The following BMP8B variants were observed in gnomAD, a reference collection of about 807,000 sequenced individuals.
The protein encoded by BMP8B is bone morphogenetic protein 8 (osteogenic protein 2).
Under a neutral mutation model 30.3 loss-of-function variants are expected in BMP8B, and 17 were observed. The ratio of observed to expected loss-of-function variants is 0.56; its 90% CI spans 0.38 to 0.84. The LOEUF is 0.84. Among genes scored for constraint, BMP8B ranks in the 40% least tolerant of loss-of-function variants. BMP8B has a pLI of 0.00. For synonymous variants in BMP8B, 131 were observed against 214.7 expected, an observed-to-expected ratio of 0.61 and a Z score of 3.41; for missense variants, 253 against 494.6, an observed-to-expected ratio of 0.51 and a Z score of 4.63.
At chr1:39,783,958 C>T (rs923225734) in intron 1 of BMP8B, among the ~76,000 whole-genome samples, 3 of 152,200 alleles carry the variant, frequency 2.0e-5, no homozygotes, top group Non-Finnish European at 4.4e-5. Context: ...TTACATCACA[C>T]GTTCCCATTC....
chr1:39,780,900 C>A (rs1194122649), intron 1 of BMP8B, among the ~76,000 whole-genome samples: 1 of 152,134 alleles, frequency 6.6e-6, no homozygotes, highest in Admixed American at 6.5e-5. Flanking sequence ...CATCTCCAGC[C>A]GGGAGCCATG....
intron 1 of BMP8B, among the ~76,000 whole-genome samples, chr1:39,778,105 G>A (rs1013073612): frequency 6.6e-5 from 10 of 152,208 alleles, no homozygotes; most frequent in Non-Finnish European, 1.3e-4. Context: ...CCTGTGTTTC[G>A]GGGCCCCAGA....
intron 1 of BMP8B, among the ~76,000 whole-genome samples, chr1:39,777,055 G>T (rs1370470608): frequency 6.6e-6 from 1 of 152,192 alleles, no homozygotes; most frequent in African/African-American, 2.4e-5. Context: ...AAAAGATTAA[G>T]ATCAGACATG....
Position 39,771,188 on chromosome 1 carries a change from G to A in BMP8B, c.673+3120C>T, listed in dbSNP as rs922338899. The A allele has an allele frequency of 4.3e-5, 67 of 1,543,328 alleles. No homozygotes were observed. In the Admixed American group the frequency reaches 5.8e-4, roughly 13 times the overall value. Reference sequence around the variant, plus strand: ...GCAGCGGGCGCAGCCCTGGGACAGCGCGAGCCCTGAGCCGCCGGCGGGGAC... The same window carrying A: ...GCAGCGGGCGCAGCCCTGGGACAGCACGAGCCCTGAGCCGCCGGCGGGGAC... On this transcript the variant is annotated intron_variant, in intron 3 of 6. Coordinates refer to ENST00000372827, the MANE Select transcript of BMP8B (RefSeq NM_001720.5).
At chr1:39,762,915 G>A (rs1375448526) in intron 6 of BMP8B, among the ~76,000 whole-genome samples, 177 bp downstream of exon 6, 1 of 152,250 alleles carries the variant, frequency 6.6e-6, no homozygotes, top group Non-Finnish European at 1.5e-5. Context: ...TAGTGTGGCT[G>A]TATAAGGACC....
intron 6 of BMP8B, chr1:39,762,694 A>G: frequency 1.4e-6 from 2 of 1,479,068 alleles, no homozygotes; most frequent in Non-Finnish European, 1.8e-6. Flanking sequence ...GTGCACACAT[A>G]TCACGGGCGG....
intron 3 of BMP8B, among the ~76,000 whole-genome samples, chr1:39,766,144 A>G (rs2124443423): frequency 6.7e-6 from 1 of 148,934 alleles, no homozygotes; most frequent in East Asian, 1.9e-4. Context: ...AATTGACTTG[A>G]TATTGGCTCA....
intron 3 of BMP8B, chr1:39,771,389 C>T: frequency 1.2e-6 from 1 of 867,922 alleles, no homozygotes; most frequent in Non-Finnish European, 1.6e-6. Context: ...CAGGCGCAGG[C>T]TCTAGGCTAG....
At chr1:39,769,565 A>G in intron 3 of BMP8B, 1 of 1,263,278 alleles carries the variant, frequency 7.9e-7, no homozygotes, top group Non-Finnish European at 1.1e-6. Flanking sequence ...AGCTCTCTAG[A>G]GGAGCACTGT....
chr1:39,788,059 C>G lies in BMP8B; in HGVS notation c.334+93G>C, dbSNP rs936697877. The G allele has an allele frequency of 1.4e-6, 2 of 1,383,824 alleles. No individual in the cohort carries two copies. The highest frequency in any genetic ancestry group is 3.1e-5 in the South Asian group (2 of 63,764). 85.7% of individuals were successfully genotyped at this position (1,383,824 alleles called of 1,614,324 possible). Reference sequence around the variant, plus strand: ...TTCGCGTCCACCGTCTGTGACTCCCCGTTCGGCCAGGGCCCGGCACAGCCC... The same window carrying G: ...TTCGCGTCCACCGTCTGTGACTCCCGGTTCGGCCAGGGCCCGGCACAGCCC... On this transcript the variant is annotated intron_variant, in intron 1 of 6. Transcript: ENST00000372827. This position sits in a 1 kb window ranked among gnomAD's most constrained non-coding sequence, Gnocchi z 5.8.
At position 39,760,411 on chromosome 1, in the gene BMP8B, G is replaced by A. The variant is rs764564197; in HGVS notation, c.*8C>T. The stretch of plus-strand genomic sequence containing the variant: ...AAGGGTGGCTGCAGCTGGGCCGGGC[G>A]GGTGGACTCAGTGGCAGCCGCAGGC... On this transcript the variant is annotated 3_prime_UTR_variant, in exon 7 of 7. Coordinates refer to ENST00000372827, the MANE Select transcript of BMP8B (RefSeq NM_001720.5). 50 of 1,613,470 alleles carry A rather than the reference G, an allele frequency of 3.1e-5. No individual in the cohort carries two copies. The highest frequency in any genetic ancestry group is 6.7e-5 in the African/African-American group (5 of 74,926).
At position 39,769,652 on chromosome 1, in the gene BMP8B, G is replaced by A. The variant is rs776496703; in HGVS notation, c.673+4656C>T. On this transcript the variant is annotated intron_variant, in intron 3 of 6. Transcript: ENST00000372827. ...GGACATGTATTCCCCTGGGGAACCC[G>A]GTGGCACCCGCCCTGAGGAGCGCAC... 5.2e-5 allele frequency: 77 copies of A among 1,478,034 alleles called. 1 individual carries two copies. Among genetic ancestry groups the A allele is most frequent in the Non-Finnish European group, 6.5e-5 (72 of 1,115,706 alleles). 91.6% of individuals were successfully genotyped at this position (1,478,034 alleles called of 1,614,324 possible). A position where few individuals can be genotyped will look rare whatever the true frequency, so the allele number is the denominator to read the frequency against.
Position 39,760,413 on chromosome 1 carries a change from G to T in BMP8B, c.*6C>A. The T allele has an allele frequency of 6.2e-7, 1 of 1,613,706 alleles. No individual in the cohort carries two copies. The highest frequency in any genetic ancestry group is 8.5e-7 in the Non-Finnish European group (1 of 1,180,016). On this transcript the variant is annotated 3_prime_UTR_variant, in exon 7 of 7. Transcript: ENST00000372827. ...GGGTGGCTGCAGCTGGGCCGGGCGG[G>T]TGGACTCAGTGGCAGCCGCAGGCCT...
Position 39,788,589 on chromosome 1 carries a change from C to T in BMP8B, c.-104G>A. The T allele has an allele frequency of 3.5e-6, 3 of 862,662 alleles. No individual in the cohort carries two copies. Among genetic ancestry groups the T allele is most frequent in the Non-Finnish European group, 4.2e-6 (3 of 719,490 alleles). 53.4% of individuals were successfully genotyped at this position (862,662 alleles called of 1,614,324 possible). A position where few individuals can be genotyped will look rare whatever the true frequency, so the allele number is the denominator to read the frequency against. On this transcript the variant is annotated 5_prime_UTR_variant, in exon 1 of 7. Coordinates refer to ENST00000372827, the MANE Select transcript of BMP8B (RefSeq NM_001720.5). This position sits in a 1 kb window ranked among gnomAD's most constrained non-coding sequence, Gnocchi z 5.8. The stretch of plus-strand genomic sequence containing the variant: ...CCGACGGCAAGGAGGCTGGGCTCGG[C>T]GGGCGGCGGGCGGCGGGGCGGGGCG...
intron 1 of BMP8B, among the ~76,000 whole-genome samples, chr1:39,782,711 G>T (rs922163662): frequency 6.6e-6 from 1 of 151,912 alleles, no homozygotes. Flanking sequence ...CAGGTGATCC[G>T]CCCCCGCTTG....
rs1156325892 is a variant in BMP8B, at chr1:39,788,315, C to A, written c.171G>T (p.Arg57=). ...CGGCGGGTGGCGCGCGGGGCCGGGG[C>A]CGCCCAGGCAGCCCGAGCACCGCCA... is the stretch of plus-strand genomic sequence containing the variant. ...EILAVLGLPG[R]PRPRAPPAAS... Residue 57 remains arginine, a synonymous_variant, in exon 1 of 7, where the codon CGG becomes CGT. Coordinates refer to ENST00000372827, the MANE Select transcript of BMP8B (RefSeq NM_001720.5). This position sits in a 1 kb window ranked among gnomAD's most constrained non-coding sequence, Gnocchi z 5.8. The A allele has an allele frequency of 2.8e-5, 35 of 1,242,482 alleles. No homozygotes were observed. The highest frequency in any genetic ancestry group is 3.4e-5 in the Non-Finnish European group (34 of 998,566). The allele number at this position is 1,242,482 out of a possible 1,614,324, so 77.0% of individuals were successfully genotyped here. A position where few individuals can be genotyped will look rare whatever the true frequency, so the allele number is the denominator to read the frequency against.
chr1:39,786,076 G>T (rs1650966489), intron 1 of BMP8B, among the ~76,000 whole-genome samples: 1 of 152,202 alleles, frequency 6.6e-6, no homozygotes, highest in African/African-American at 2.4e-5. Flanking sequence ...CCGGATGTGC[G>T]GTGTGGCCCT....
chr1:39,780,803 G>A (rs1470891133), intron 1 of BMP8B, among the ~76,000 whole-genome samples: 1 of 152,202 alleles, frequency 6.6e-6, no homozygotes, highest in Non-Finnish European at 1.5e-5. Context: ...GGCTGAGGTG[G>A]GAGGATCACT....
chr1:39,788,522 G>A lies in BMP8B; in HGVS notation c.-37C>T. On this transcript the variant is annotated 5_prime_UTR_variant, in exon 1 of 7. Transcript: ENST00000372827. This position sits in a 1 kb window ranked among gnomAD's most constrained non-coding sequence, Gnocchi z 5.8. ...GGCGCTCAGCTGGGGCGCTCAGCGG[G>A]CGCGCATCGGCTCCGCGGCCGACCC... The A allele has an allele frequency of 3.0e-6, 3 of 1,002,558 alleles. No homozygotes were observed. The highest frequency in any genetic ancestry group is 3.6e-6 in the Non-Finnish European group (3 of 842,690). The allele number at this position is 1,002,558 out of a possible 1,614,324, so 62.1% of individuals were successfully genotyped here. A position where few individuals can be genotyped will look rare whatever the true frequency, so the allele number is the denominator to read the frequency against.
Sources: gnomAD v4.1 joint callset for allele counts (sites outside exome capture counted in the v4.1 genomes callset) on GRCh38, gnomAD v4.1.1 for gene constraint, Gnocchi (gnomAD v3.1) non-coding constraint, MANE v1.5 for transcripts, NCBI Gene and HGNC (gene_info 2026-07-23, HGNC 2026-07-21) for gene names.